ZNF695: variants seen among roughly 807,000 people sequenced by gnomAD.
ZNF695 encodes zinc finger protein SBZF3.
In ZNF695, 11 loss-of-function variants were observed where a neutral mutation model predicts 11.2. The ratio of observed to expected loss-of-function variants is 0.98; its 90% confidence interval spans 0.62 to 1.62. ZNF695 has a LOEUF of 1.62. Ranked by LOEUF, ZNF695 falls within the 40% of genes most tolerant of loss-of-function variation. The pLI, the probability that ZNF695 is intolerant of heterozygous loss-of-function variation, is 0.00. For synonymous variants in ZNF695, 190 were observed against 201.4 expected, an observed-to-expected ratio of 0.94 and a Z score of 0.48; for missense variants, 559 against 590.5, an observed-to-expected ratio of 0.95 and a Z score of 0.55.
intron 5 of ZNF695, among the ~76,000 whole-genome samples, chr1:246,962,433 A>C (rs114498714): frequency 0.017 from 2,535 of 152,294 alleles, 35 homozygotes; most frequent in African/African-American, 0.038. Flanking sequence ...TACCTCACAG[A>C]CGATTTGTTT....
chr1:246,987,233 T>C lies in ZNF695; in HGVS notation c.1282A>G (p.Arg428Gly), dbSNP rs750470662. 2 of 1,613,924 alleles carry C rather than the reference T, an allele frequency of 1.2e-6. No individual in the cohort carries two copies. The highest frequency in any genetic ancestry group is 1.7e-6 in the Non-Finnish European group (2 of 1,180,010). The change falls in exon 4 of 4, where the codon AGA (arginine) becomes GGA (glycine). Residue 428 changes from arginine (R) to glycine (G), a missense_variant. Transcript: ENST00000339986. ...TAGGGTTTCTCTCCAGTATGAATTC[T>C]CTTATGTTGAGTAAGGTATGAAAAC... ...TWFSYLTQHK[R>G]IHTGEKPYKC...
intron 5 of ZNF695, chr1:246,966,937 TTTG>T: frequency 2.3e-6 from 1 of 430,348 alleles, no homozygotes; most frequent in South Asian, 1.6e-5. Flanking sequence ...TGTTACTTTT[TTTG>T]TTGTTTTTAT....
exon 6 of ZNF695, chr1:246,945,726 T>C: frequency 6.6e-7 from 1 of 1,516,004 alleles, no homozygotes; most frequent in Non-Finnish European, 9.0e-7. Context: ...CTGGACCCGG[T>C]GTAAATTCGC....
chr1:246,982,566 A>T (rs776998967), downstream of ZNF695, among the ~76,000 whole-genome samples: 1 of 152,224 alleles, frequency 6.6e-6, no homozygotes, highest in East Asian at 1.9e-4. Context: ...TTAATTATAC[A>T]TTCACCACAC....
At chr1:246,963,546 C>T (rs557845175) in intron 5 of ZNF695, among the ~76,000 whole-genome samples, 19 of 152,272 alleles carry the variant, frequency 1.2e-4, no homozygotes, top group South Asian at 8.3e-4. Context: ...GTAAATTCTA[C>T]GCTAGATGAC....
intron 5 of ZNF695, among the ~76,000 whole-genome samples, chr1:246,958,507 T>A (rs530745232): frequency 1.3e-5 from 2 of 152,154 alleles, no homozygotes; most frequent in African/African-American, 4.8e-5. Flanking sequence ...AGCCATCACA[T>A]AGTAAGGAGA....
chr1:246,965,068 T>C (rs1279756843), intron 5 of ZNF695, among the ~76,000 whole-genome samples: 1 of 151,640 alleles, frequency 6.6e-6, no homozygotes, highest in Non-Finnish European at 1.5e-5. Flanking sequence ...CTGATGACTC[T>C]ACAAGAAGAG....
intron 4 of ZNF695, among the ~76,000 whole-genome samples, chr1:246,976,539 A>C (rs149828679): frequency 2.0e-5 from 3 of 152,010 alleles, no homozygotes; most frequent in African/African-American, 7.2e-5. Flanking sequence ...TCACACCTGT[A>C]ATCCCAGCAC....
chr1:246,968,456 G>C (rs1015737372), intron 4 of ZNF695: 9 of 152,356 alleles, frequency 5.9e-5, no homozygotes, highest in Non-Finnish European at 1.3e-4. Flanking sequence ...GGCTGGTGTT[G>C]AGTGCCTGTG....
intron 4 of ZNF695, among the ~76,000 whole-genome samples, chr1:246,971,301 C>T (rs530193529): frequency 2.6e-5 from 4 of 152,314 alleles, no homozygotes; most frequent in South Asian, 2.1e-4. Context: ...ATCTAGAAGG[C>T]GGAGCCAGTT....
At chr1:246,960,574 A>G (rs1056544678) in intron 5 of ZNF695, among the ~76,000 whole-genome samples, 6 of 152,174 alleles carry the variant, frequency 3.9e-5, no homozygotes, top group African/African-American at 7.2e-5. Context: ...ATGCAAGACA[A>G]GTTCTTTTCT....
At chr1:246,958,309 C>T (rs373110796) in intron 5 of ZNF695, among the ~76,000 whole-genome samples, 6 of 152,000 alleles carry the variant, frequency 3.9e-5, no homozygotes, top group Non-Finnish European at 7.4e-5. Flanking sequence ...CTGCCCTCCT[C>T]GGCCTCCCAA....
chr1:247,004,054 A>T (rs1180707558), intron 1 of ZNF695, among the ~76,000 whole-genome samples: 1 of 152,186 alleles, frequency 6.6e-6, no homozygotes, highest in African/African-American at 2.4e-5. Flanking sequence ...CTCTACTAAA[A>T]TACAAAAATT....
chr1:246,994,513 C>G lies in ZNF695; in HGVS notation c.259+4835G>C, dbSNP rs558811376. Among the ~76,000 whole-genome samples the G allele has an allele frequency of 4.0e-5, 6 of 151,416 alleles. No homozygotes were observed. In the East Asian group the frequency reaches 1.2e-3, roughly 30 times the overall value. On this transcript the variant is annotated intron_variant, in intron 3 of 3. Transcript: ENST00000339986. ...CCGAGATCACGCCACTCCACTCCAG[C>G]CTGGGTGACAGATAGAGACCCTATC...
intron 5 of ZNF695, among the ~76,000 whole-genome samples, chr1:246,958,220 G>C (rs543552550): frequency 6.6e-6 from 1 of 151,756 alleles, no homozygotes; most frequent in African/African-American, 2.4e-5. Flanking sequence ...CACCACGCCC[G>C]GCTAATTTTT....
chr1:246,972,735 G>C (rs886276516), intron 4 of ZNF695, among the ~76,000 whole-genome samples: 2 of 151,920 alleles, frequency 1.3e-5, no homozygotes, highest in African/African-American at 4.8e-5. Context: ...GGCCAGGCTG[G>C]TCTTGAACTC....
At position 246,985,362 on chromosome 1, in the gene ZNF695, T is replaced by C. The variant is rs1415444138; in HGVS notation, c.*1605A>G. ...TATATAGGCTTTATTATAGCCTTAA[T>C]AATGACACTGTCATTACAAAAAGAG... On this transcript the variant is annotated 3_prime_UTR_variant, in exon 4 of 4. Transcript: ENST00000339986. The C allele has an allele frequency of 8.1e-6, 8 of 984,750 alleles. No homozygotes were observed. The highest frequency in any genetic ancestry group is 1.7e-5 in the African/African-American group (1 of 57,230). 61.0% of individuals were successfully genotyped at this position (984,750 alleles called of 1,614,324 possible). A position where few individuals can be genotyped will look rare whatever the true frequency, so the allele number is the denominator to read the frequency against.
In ZNF695 at chr1:247,008,033, C is replaced by A. The variant is rs895352215; in HGVS notation, c.-125G>T. The A allele has an allele frequency of 4.4e-6, 5 of 1,135,048 alleles. No homozygotes were observed. The highest frequency in any genetic ancestry group is 2.2e-4 in the Middle Eastern group (1 of 4,620). The allele number at this position is 1,135,048 out of a possible 1,614,324, so 70.3% of individuals were successfully genotyped here. Reference sequence around the variant, plus strand: ...AGAGGCAGCAGACGGGAACCCAGCACCCCGCCGGCCGCAAGGAGACAAAGG... The same window carrying A: ...AGAGGCAGCAGACGGGAACCCAGCAACCCGCCGGCCGCAAGGAGACAAAGG... On this transcript the variant is annotated 5_prime_UTR_variant, in exon 1 of 4. Transcript: ENST00000339986.
chr1:247,003,148 A>G (rs1301051640), intron 1 of ZNF695, among the ~76,000 whole-genome samples: 1 of 152,204 alleles, frequency 6.6e-6, no homozygotes, highest in Non-Finnish European at 1.5e-5. Context: ...TTCTCCAATA[A>G]AGACACATGC....
Sources: gnomAD v4.1 joint callset for allele counts (sites outside exome capture counted in the v4.1 genomes callset) on GRCh38, gnomAD v4.1.1 for gene constraint, MANE v1.5 for transcripts, NCBI Gene and HGNC (gene_info 2026-07-23, HGNC 2026-07-21) for gene names.